Variants in FAXC observed in about 807,000 individuals in gnomAD.
The protein encoded by FAXC is failed axon connections homolog.
A neutral mutation model predicts 41.9 loss-of-function variants in FAXC; 10 were observed. The observed-to-expected ratio is 0.24, with a 90% confidence interval of 0.15 to 0.41. The LOEUF is 0.41. FAXC is among the 10% of genes least tolerant of loss of function. The probability of loss-of-function intolerance (pLI) is 1.00; values close to 1 mark genes in which losing one functional copy is unlikely to be tolerated. For synonymous variants in FAXC, 183 were observed against 183.8 expected (o/e 1.00, Z 0.03); for missense variants, 399 against 510.9 (o/e 0.78, Z 2.11).
intron 1 of FAXC, among the ~76,000 whole-genome samples, chr6:99,345,635 C>A (rs952624444): frequency 1.1e-4 from 16 of 152,190 alleles, no homozygotes; most frequent in African/African-American, 3.9e-4. Context: ...CCGGGGCTAA[C>A]GATACCACAG....
At chr6:99,341,501 AG>A (rs1429054713) in intron 2 of FAXC, among the ~76,000 whole-genome samples, 1 of 152,198 alleles carries the variant, frequency 6.6e-6, no homozygotes, top group Non-Finnish European at 1.5e-5. Context: ...TTTAAAAAAT[AG>A]GAAGAGACAT....
intron 4 of FAXC, 127 bp from the exon 5 acceptor site, chr6:99,291,947 C>T (rs1014513746): frequency 1.4e-6 from 1 of 723,752 alleles, no homozygotes; most frequent in African/African-American, 1.8e-5. Flanking sequence ...AATCGAAATA[C>T]ATGCACACCC....
intron 4 of FAXC, among the ~76,000 whole-genome samples, chr6:99,294,869 T>C (rs1346411030): frequency 6.6e-6 from 1 of 152,164 alleles, no homozygotes; most frequent in Non-Finnish European, 1.5e-5. Flanking sequence ...GCGCATATAA[T>C]GTCTGGCCAA....
At position 99,325,731 on chromosome 6, in the gene FAXC, AAAAAAAAGTTACAC is replaced by A. The variant is rs1772778293; in HGVS notation, c.600-2078_600-2065del. On this transcript the variant is annotated intron_variant, in intron 3 of 5. Coordinates refer to ENST00000389677, the MANE Select transcript of FAXC (RefSeq NM_032511.4). ...CTAATTGTATTAGGTCTAAATTCAC[AAAAAAAAGTTACAC>A]AACCTTTTACCATTCTGGAATTCAA... is the stretch of plus-strand genomic sequence containing the variant. Among the ~76,000 whole-genome samples the A allele has an allele frequency of 2.0e-5, 3 of 152,234 alleles. No individual in the cohort carries two copies. The South Asian group carries it at 6.2e-4, about 32-fold the overall frequency.
At chr6:99,326,385 A>C (rs1000627839) in intron 3 of FAXC, among the ~76,000 whole-genome samples, 4 of 152,214 alleles carry the variant, frequency 2.6e-5, no homozygotes, top group Non-Finnish European at 5.9e-5. Context: ...TTTATGGGTA[A>C]GGAGAAACTA....
chr6:99,273,795 G>A lies in FAXC; in HGVS notation c.*7369C>T, dbSNP rs182666214. ...ATTCTCTAAACTCCATTGAGGACCAGAAAATATACTTTTAAAATGTCTATG... is the reference window on the plus strand; with the variant it reads ...ATTCTCTAAACTCCATTGAGGACCAAAAAATATACTTTTAAAATGTCTATG... On this transcript the variant is annotated 3_prime_UTR_variant, in exon 6 of 6. Coordinates refer to ENST00000389677, the MANE Select transcript of FAXC (RefSeq NM_032511.4). The A allele has an allele frequency of 6.6e-6, 1 of 152,032 alleles. No homozygotes were observed. 9.4% of individuals were successfully genotyped at this position (152,032 alleles called of 1,614,324 possible).
At chr6:99,343,114 A>G in intron 1 of FAXC, 81 bp from the exon 2 acceptor site, 2 of 1,302,960 alleles carry the variant, frequency 1.5e-6, no homozygotes, top group Non-Finnish European at 1.1e-6. Context: ...AGGACCCTGC[A>G]GGGTTGTAGC....
intron 4 of FAXC, among the ~76,000 whole-genome samples, chr6:99,319,437 T>G (rs1172622895): frequency 6.8e-6 from 1 of 146,824 alleles, no homozygotes; most frequent in African/African-American, 2.5e-5. Context: ...ACCCTCCAAC[T>G]GTCAGCTCTC....
intron 1 of FAXC, among the ~76,000 whole-genome samples, chr6:99,347,041 T>A (rs1773618792): frequency 6.6e-6 from 1 of 151,868 alleles, no homozygotes; most frequent in Non-Finnish European, 1.5e-5. Flanking sequence ...GAGGGAGGAT[T>A]TCTTGAGGCC....
chr6:99,293,666 G>GTA (rs1491485457), intron 4 of FAXC, among the ~76,000 whole-genome samples: 10 of 20,578 alleles, frequency 4.9e-4, no homozygotes, highest in African/African-American at 2.3e-3. Flanking sequence ...TCTATACACA[G>GTA]TGTGTGTGTG....
chr6:99,308,378 T>C (rs1772013886), intron 4 of FAXC, among the ~76,000 whole-genome samples: 1 of 152,158 alleles, frequency 6.6e-6, no homozygotes, highest in African/African-American at 2.4e-5. Flanking sequence ...GGTAAACTAT[T>C]TTTGAGTAGT....
intron 4 of FAXC, among the ~76,000 whole-genome samples, chr6:99,299,315 T>C (rs1000497670): frequency 3.3e-5 from 5 of 152,164 alleles, no homozygotes; most frequent in Non-Finnish European, 5.9e-5. Context: ...TTTAGCTAAA[T>C]TTCCAAACTC....
intron 1 of FAXC, among the ~76,000 whole-genome samples, chr6:99,345,858 G>C (rs1446995450): frequency 1.3e-5 from 2 of 152,106 alleles, no homozygotes; most frequent in Admixed American, 1.3e-4. Context: ...TCTCCACTCA[G>C]GGAAAACAAA....
At chr6:99,306,768 T>C (rs1475174138) in intron 4 of FAXC, among the ~76,000 whole-genome samples, 2 of 152,236 alleles carry the variant, frequency 1.3e-5, no homozygotes, top group South Asian at 2.1e-4. Flanking sequence ...CTGGGCAAGT[T>C]ACTTGTTTGT....
intron 5 of FAXC, among the ~76,000 whole-genome samples, chr6:99,284,927 A>AG (rs1770970448): frequency 6.6e-6 from 1 of 151,300 alleles, no homozygotes; most frequent in African/African-American, 2.4e-5. Context: ...AAAAAAAAAA[A>AG]GCCTATACAG....
chr6:99,278,780 C>T lies in FAXC; in HGVS notation c.*2384G>A, dbSNP rs1279328460. The T allele has an allele frequency of 2.0e-5, 3 of 152,176 alleles. No individual in the cohort carries two copies. Among genetic ancestry groups the T allele is most frequent in the Non-Finnish European group, 2.9e-5 (2 of 68,026 alleles). 9.4% of individuals were successfully genotyped at this position (152,176 alleles called of 1,614,324 possible). ...CTCCAGATAGCAATGTCCATTCATG[C>T]CCCTGTAAGAGGTACCTGGATGGAA... On this transcript the variant is annotated 3_prime_UTR_variant, in exon 6 of 6. Coordinates refer to ENST00000389677, the MANE Select transcript of FAXC (RefSeq NM_032511.4).
At chr6:99,313,358 G>A (rs1263197032) in intron 4 of FAXC, among the ~76,000 whole-genome samples, 1 of 152,132 alleles carries the variant, frequency 6.6e-6, no homozygotes, top group Non-Finnish European at 1.5e-5. Flanking sequence ...CATTTGTATT[G>A]TTTTTGTAAA....
In FAXC at chr6:99,323,611, G is replaced by A. The variant is rs1772673422; in HGVS notation, c.656C>T (p.Ser219Phe). The part of the protein sequence containing the change: ...DNLNETRKML[S>F]LSGGGPFSNL... ...GCTGAAGGGACCACCACCACTAAGA[G>A]AGAGCATCTTCCGGGTCTCATTGAG... Residue 219 changes from serine (S) to phenylalanine (F), a missense_variant, in exon 4 of 6, where the codon TCT becomes TTT. Transcript: ENST00000389677. 1 of 1,614,128 alleles carries A rather than the reference G, an allele frequency of 6.2e-7. No individual in the cohort carries two copies. The highest frequency in any genetic ancestry group is 8.5e-7 in the Non-Finnish European group (1 of 1,180,054).
At chr6:99,295,345 C>T (rs1562156402) in intron 4 of FAXC, among the ~76,000 whole-genome samples, 1 of 152,148 alleles carries the variant, frequency 6.6e-6, no homozygotes, top group Admixed American at 6.5e-5. Context: ...TTTAGATTTA[C>T]AGAAATGTTG....
Sources: allele counts gnomAD v4.1 joint callset (sites outside exome capture counted in the v4.1 genomes callset), GRCh38; gene constraint gnomAD v4.1.1; transcripts MANE v1.5; gene names NCBI Gene and HGNC (gene_info 2026-07-23, HGNC 2026-07-21).